Variants in TTC23 observed in about 807,000 individuals in gnomAD.
TTC23 encodes the protein tetratricopeptide repeat protein 23.
Under a neutral mutation model 55.1 loss-of-function variants are expected in TTC23, and 58 were observed. That is an observed-to-expected ratio of 1.05 (90% CI 0.85 to 1.31). The LOEUF (loss-of-function observed/expected upper bound fraction) is 1.31. Ranked by LOEUF, TTC23 falls within the 50% of genes most tolerant of loss-of-function variation. TTC23 has a pLI of 0.00. For missense variants in TTC23, 516 were observed against 534.4 expected, an observed-to-expected ratio of 0.97 and a Z score of 0.34; for synonymous variants, 203 against 199.9, an observed-to-expected ratio of 1.02 and a Z score of -0.13.
intron 3 of TTC23, among the ~76,000 whole-genome samples, chr15:99,238,028 C>T (rs901204953): frequency 2.5e-4 from 38 of 152,238 alleles, no homozygotes; most frequent in African/African-American, 8.9e-4. Context: ...TACAGTGGCA[C>T]GATCTCGGCT....
Position 99,219,053 on chromosome 15 carries a change from G to A in TTC23, c.305-5C>T. 6.2e-7 allele frequency: 1 copy of A among 1,613,020 alleles called. No homozygotes were observed. On this transcript the variant is annotated splice_polypyrimidine_tract_variant and splice_region_variant and intron_variant, in intron 6 of 13. Transcript: ENST00000394132. ...GTTTTGCTTGCAGTGACAGTCCTGT[G>A]GACAAAGAAAAAGAGGTCTCAGTTT...
upstream of TTC23, among the ~76,000 whole-genome samples, chr15:99,250,135 A>G (rs1262788352): frequency 2.0e-5 from 3 of 152,152 alleles, no homozygotes; most frequent in Non-Finnish European, 4.4e-5. Flanking sequence ...ACCATTAAAC[A>G]CCGTATCTTT....
intron 8 of TTC23, among the ~76,000 whole-genome samples, chr15:99,217,427 G>T (rs1426874365): frequency 2.0e-5 from 3 of 152,110 alleles, no homozygotes; most frequent in African/African-American, 7.2e-5. Context: ...AAAGTGCTGG[G>T]ATTACAGGCA....
At chr15:99,232,672 A>T (rs2079026043) in intron 4 of TTC23, among the ~76,000 whole-genome samples, 1 of 152,188 alleles carries the variant, frequency 6.6e-6, no homozygotes, top group Non-Finnish European at 1.5e-5. Flanking sequence ...GAAGATGTGG[A>T]GAAAAGGGAA....
intron 12 of TTC23, among the ~76,000 whole-genome samples, chr15:99,151,893 G>A (rs552925965): frequency 2.7e-4 from 41 of 152,242 alleles, no homozygotes; most frequent in Non-Finnish European, 5.4e-4. Context: ...CAACAACTCT[G>A]AGCCACGAGA....
At chr15:99,192,610 G>C (rs2075336947) in intron 9 of TTC23, among the ~76,000 whole-genome samples, 1 of 152,182 alleles carries the variant, frequency 6.6e-6, no homozygotes, top group Admixed American at 6.5e-5. Context: ...GAAATGCCTG[G>C]ATGCCCAAGC....
intron 12 of TTC23, chr15:99,140,235 G>C: frequency 6.5e-6 from 1 of 153,322 alleles, no homozygotes; most frequent in Non-Finnish European, 1.5e-5. Context: ...ATGGGTACTG[G>C]GACCGCTGGT....
At chr15:99,156,713 C>T (rs1567348456) in intron 11 of TTC23, among the ~76,000 whole-genome samples, 1 of 152,190 alleles carries the variant, frequency 6.6e-6, no homozygotes, top group Non-Finnish European at 1.5e-5. Context: ...CCTACCATGA[C>T]ACATGGGTAT....
chr15:99,204,632 G>GTTTTTTTTTTTTTGTTTT (rs2076457683), intron 8 of TTC23, among the ~76,000 whole-genome samples: 1 of 60,892 alleles, frequency 1.6e-5, no homozygotes, highest in Non-Finnish European at 2.8e-5. Flanking sequence ...TAGATTTAAG[G>GTTTTTTTTTTTTTGTTTT]TTTTTTTTTT....
At chr15:99,203,501 T>C (rs2152002700) in intron 8 of TTC23, among the ~76,000 whole-genome samples, 1 of 152,174 alleles carries the variant, frequency 6.6e-6, no homozygotes, top group South Asian at 2.1e-4. Context: ...TTTAATTATT[T>C]AAAAATATAC....
At chr15:99,213,568 CAG>C (rs2077214275) in intron 8 of TTC23, among the ~76,000 whole-genome samples, 1 of 152,180 alleles carries the variant, frequency 6.6e-6, no homozygotes, top group Admixed American at 6.5e-5. Context: ...TCTTATAAGA[CAG>C]AATACCTAAT....
At chr15:99,140,596 C>T (rs1198592899) in intron 12 of TTC23, 1 of 152,152 alleles carries the variant, frequency 6.6e-6, no homozygotes, top group Non-Finnish European at 1.5e-5. Flanking sequence ...TCTCAAACTC[C>T]TGACTGCAGG....
chr15:99,193,805 C>T (rs2075455117), intron 9 of TTC23, among the ~76,000 whole-genome samples: 1 of 152,062 alleles, frequency 6.6e-6, no homozygotes, highest in Non-Finnish European at 1.5e-5. Context: ...GTCAAGAGTT[C>T]AAGACCAGCC....
In TTC23 at chr15:99,137,402, C is replaced by T. The variant is rs2067676372; in HGVS notation, c.*608G>A. On this transcript the variant is annotated 3_prime_UTR_variant, in exon 14 of 14. Coordinates refer to ENST00000394132, the MANE Select transcript of TTC23 (RefSeq NM_001288615.3). ...TAGCCTTTCTTTTCACTCCCTTACA[C>T]CTGCCTCCTGGGCCCCAGGCCAAGT... 1 of 152,368 alleles carries T rather than the reference C, an allele frequency of 6.6e-6. No individual in the cohort carries two copies. Among genetic ancestry groups the T allele is most frequent in the Non-Finnish European group, 1.5e-5 (1 of 68,160 alleles). The allele number at this position is 152,368 out of a possible 1,614,324, so 9.4% of individuals were successfully genotyped here. A position where few individuals can be genotyped will look rare whatever the true frequency, so the allele number is the denominator to read the frequency against.
At position 99,228,728 on chromosome 15, in the gene TTC23, G is replaced by T; in HGVS notation, c.-16C>A. ...ATTCTTGCATATTTTTATATACATT[G>T]TCTTCTAATTTTAAAATAAAAAACA... On this transcript the variant is annotated 5_prime_UTR_variant, in exon 5 of 14. Coordinates refer to ENST00000394132, the MANE Select transcript of TTC23 (RefSeq NM_001288615.3). 6.5e-7 allele frequency: 1 copy of T among 1,544,360 alleles called. No homozygotes were observed. The highest frequency in any genetic ancestry group is 8.7e-7 in the Non-Finnish European group (1 of 1,144,702).
intron 12 of TTC23, chr15:99,139,758 A>T (rs183517945): frequency 2.2e-5 from 29 of 1,313,354 alleles, no homozygotes; most frequent in African/African-American, 3.0e-5. Flanking sequence ...GAAAAGATTT[A>T]AAAAAATAGT....
intron 5 of TTC23, among the ~76,000 whole-genome samples, chr15:99,223,220 T>C (rs1293652884): frequency 6.6e-6 from 1 of 152,192 alleles, no homozygotes; most frequent in East Asian, 1.9e-4. Flanking sequence ...AAACCTGTTA[T>C]GGGCTGAACT....
At chr15:99,156,124 T>C (rs2070517885) in intron 12 of TTC23, 24 bp downstream of exon 12, 1 of 1,614,150 alleles carries the variant, frequency 6.2e-7, no homozygotes, top group Non-Finnish European at 8.5e-7. Context: ...CCTAGTCTCG[T>C]GTTAGTACTG....
At chr15:99,139,821 A>G (rs2068019985) in intron 12 of TTC23, 1 of 1,137,332 alleles carries the variant, frequency 8.8e-7, no homozygotes, top group South Asian at 1.3e-5. Context: ...TAGGCTGTCT[A>G]TACTCTTGAC....
Sources: gnomAD v4.1 joint callset for allele counts (sites outside exome capture counted in the v4.1 genomes callset) on GRCh38, gnomAD v4.1.1 for gene constraint, MANE v1.5 for transcripts, NCBI Gene and HGNC (gene_info 2026-07-23, HGNC 2026-07-21) for gene names.